CCL7: variants seen among roughly 807,000 people sequenced by gnomAD.
CCL7 encodes the protein C-C motif chemokine 7.
In CCL7, 8 loss-of-function variants were observed where a neutral mutation model predicts 7.1. That is an observed-to-expected ratio of 1.13 (90% CI 0.66 to 2.04). The LOEUF (loss-of-function observed/expected upper bound fraction) is 2.04, where lower values mean the gene tolerates loss of function less well. CCL7 is among the 30% of genes most tolerant of loss of function. CCL7 has a pLI of 0.00. For missense variants in CCL7, 134 were observed against 113.6 expected (o/e 1.18, Z -0.82); for synonymous variants, 46 against 41.2 (o/e 1.12, Z -0.45).
rs149253093 is a variant in CCL7, at chr17:34,271,250, C to G, written c.181C>G (p.Arg61Gly). ...YRRTTSSHCP[R>G]EAVIFKTKLD... is the part of the protein sequence containing the mutation. ...AAGGACCACCAGTAGCCACTGTCCC[C>G]GGGAAGCTGTAATGTATGTGGACGA... The change falls in exon 2 of 3, where the codon CGG becomes GGG. Residue 61 changes from arginine (R) to glycine (G), a missense_variant. Transcript: ENST00000378569. 6.2e-7 allele frequency: 1 copy of G among 1,613,810 alleles called. No individual in the cohort carries two copies. The highest frequency in any genetic ancestry group is 8.5e-7 in the Non-Finnish European group (1 of 1,179,820).
At chr17:34,271,631 C>G in intron 2 of CCL7, 66 bp from the exon 3 acceptor site, 1 of 1,017,738 alleles carries the variant, frequency 9.8e-7, no homozygotes, top group Non-Finnish European at 1.5e-6. Flanking sequence ...TTCCCATAGA[C>G]TTGGTCACAC....
At chr17:34,271,011 G>T in intron 1 of CCL7, 135 bp from the exon 2 acceptor site, 1 of 1,532,904 alleles carries the variant, frequency 6.5e-7, no homozygotes, top group Admixed American at 2.0e-5. Flanking sequence ...AGAGACATTG[G>T]GTTTGGGATG....
In CCL7 at chr17:34,271,219, CT is replaced by C; in HGVS notation, c.151del (p.Tyr51ThrfsTer14). The C allele has an allele frequency of 1.9e-6, 3 of 1,614,106 alleles. No homozygotes were observed. The East Asian group carries it at 6.7e-5, about 36-fold the overall frequency. Reference sequence around the variant, plus strand: ...AAATCCCTAAGCAGAGGCTGGAGAGCTACAGAAGGACCACCAGTAGCCACTG... The same window carrying C: ...AAATCCCTAAGCAGAGGCTGGAGAGCACAGAAGGACCACCAGTAGCCACTG... ...KKIPKQRLESYRRTTSSHCPR... is the reference protein window; with the variant it reads ...KKIPKQRLESXRRTTSSHCPR... On this transcript the variant is annotated frameshift_variant, in exon 2 of 3. Transcript: ENST00000378569. LOFTEE classifies it low-confidence loss of function (END_TRUNC).
chr17:34,271,588 T>A (rs1017848279), intron 2 of CCL7, 109 bp from the exon 3 acceptor site: 1 of 689,480 alleles, frequency 1.5e-6, no homozygotes, highest in African/African-American at 1.8e-5. Flanking sequence ...CCCTGAGGCA[T>A]CCCCATCAGC....
At chr17:34,271,034 C>T (rs1908122718) in intron 1 of CCL7, 112 bp from the exon 2 acceptor site, 2 of 1,565,080 alleles carry the variant, frequency 1.3e-6, no homozygotes, top group Non-Finnish European at 1.7e-6. Flanking sequence ...CAGCTTTTCC[C>T]TCCACCTCTT....
In CCL7 at chr17:34,271,716, A is replaced by G. The variant is rs757368308; in HGVS notation, c.214A>G (p.Lys72Glu). 4.3e-6 allele frequency: 7 copies of G among 1,610,696 alleles called. No individual in the cohort carries two copies. The East Asian group carries it at 1.6e-4, about 36-fold the overall frequency. ...EAVIFKTKLD[K>E]EICADPTQKW... The stretch of plus-strand genomic sequence containing the variant: ...CCACAGCTTCAAGACCAAACTGGAC[A>G]AGGAGATCTGTGCTGACCCCACACA... The change falls in exon 3 of 3, where the codon AAG becomes GAG. Residue 72 changes from lysine to glutamate, a missense_variant. Physicochemically the swap from Lys to Glu is moderately conservative, Grantham distance 56 (BLOSUM62 1). Coordinates refer to ENST00000378569, the MANE Select transcript of CCL7 (RefSeq NM_006273.4).
At chr17:34,271,459 A>C (rs954809718) in intron 2 of CCL7, among the ~76,000 whole-genome samples, 196 bp downstream of exon 2, 6 of 152,214 alleles carry the variant, frequency 3.9e-5, no homozygotes, top group Non-Finnish European at 8.8e-5. Context: ...CTCCCTTTCC[A>C]GCTATCATTT....
intron 1 of CCL7, among the ~76,000 whole-genome samples, chr17:34,270,687 T>C (rs1309581703): frequency 6.6e-6 from 1 of 152,058 alleles, no homozygotes; most frequent in Non-Finnish European, 1.5e-5. Context: ...CTTCTGGGGA[T>C]GGGTGTGCGG....
Position 34,271,213 on chromosome 17 carries a change from G to A in CCL7, c.144G>A (p.Leu48=). 1.2e-6 allele frequency: 2 copies of A among 1,614,144 alleles called. No homozygotes were observed. Among genetic ancestry groups the A allele is most frequent in the Non-Finnish European group, 1.7e-6 (2 of 1,180,018 alleles). Residue 48 remains leucine (L), a synonymous_variant, in exon 2 of 3, where the codon CTG becomes CTA. Transcript: ENST00000378569. ...FINKKIPKQR[L]ESYRRTTSSH... ...ATAAGAAAATCCCTAAGCAGAGGCT[G>A]GAGAGCTACAGAAGGACCACCAGTA... is the stretch of plus-strand genomic sequence containing the variant.
At position 34,272,048 on chromosome 17, in the gene CCL7, T is replaced by C; in HGVS notation, c.*246T>C. On this transcript the variant is annotated 3_prime_UTR_variant, in exon 3 of 3. Coordinates refer to ENST00000378569, the MANE Select transcript of CCL7 (RefSeq NM_006273.4). ...TTGGATGTATATGTCATCTCAGTGC[T>C]GTAAAAACTGTGGGATGCTCCTCCC... 5.3e-6 allele frequency: 2 copies of C among 377,968 alleles called. No homozygotes were observed. The highest frequency in any genetic ancestry group is 9.5e-6 in the Non-Finnish European group (2 of 210,740). 23.4% of individuals were successfully genotyped at this position (377,968 alleles called of 1,614,324 possible). A position where few individuals can be genotyped will look rare whatever the true frequency, so the allele number is the denominator to read the frequency against.
chr17:34,270,518 C>A, intron 1 of CCL7, 152 bp downstream of exon 1: 1 of 639,380 alleles, frequency 1.6e-6, no homozygotes, highest in Non-Finnish European at 2.7e-6. Context: ...GTGAGCCCAA[C>A]CACACAGCTG....
At position 34,271,168 on chromosome 17, in the gene CCL7, C is replaced by T. The variant is rs201623604; in HGVS notation, c.99C>T (p.Thr33=). Residue 33 remains threonine, a synonymous_variant, in exon 2 of 3, where the codon ACC becomes ACT. Transcript: ENST00000378569. ...CAGTTGGGATTAATACTTCAACTAC[C>T]TGCTGCTACAGATTTATCAATAAGA... ...AQPVGINTST[T]CCYRFINKKI... The T allele has an allele frequency of 6.2e-7, 1 of 1,614,122 alleles. No homozygotes were observed. Among genetic ancestry groups the T allele is most frequent in the South Asian group, 1.1e-5 (1 of 91,072 alleles).
rs200419698 is a variant in CCL7 at position 34,271,833 on chromosome 17, G to A, written c.*31G>A. 154 of 1,396,406 alleles carry A rather than the reference G, an allele frequency of 1.1e-4. No homozygotes were observed. The highest frequency in any genetic ancestry group is 1.5e-4 in the Non-Finnish European group (147 of 988,100). 86.5% of individuals were successfully genotyped at this position (1,396,406 alleles called of 1,614,324 possible). On this transcript the variant is annotated 3_prime_UTR_variant, in exon 3 of 3. Coordinates refer to ENST00000378569, the MANE Select transcript of CCL7 (RefSeq NM_006273.4). ...CATGACTGAACTGAAAACAAGCCAT[G>A]ACTTGAGAAACAAATAATTTGTATA...
rs1908137219 is a variant in CCL7, at chr17:34,271,186, C to G, written c.117C>G (p.Ile39Met). 6.2e-7 allele frequency: 1 copy of G among 1,613,988 alleles called. No homozygotes were observed. Among genetic ancestry groups the G allele is most frequent in the Non-Finnish European group, 8.5e-7 (1 of 1,180,014 alleles). Residue 39 changes from isoleucine to methionine, a missense_variant, in exon 2 of 3, where the codon ATC (isoleucine) becomes ATG (methionine). By Grantham distance (10) the Ile-to-Met change is conservative (BLOSUM62 1). Coordinates refer to ENST00000378569, the MANE Select transcript of CCL7 (RefSeq NM_006273.4). The part of the protein sequence containing the change: ...NTSTTCCYRF[I>M]NKKIPKQRLE... ...CAACTACCTGCTGCTACAGATTTAT[C>G]AATAAGAAAATCCCTAAGCAGAGGC...
chr17:34,271,991 C>T lies in CCL7; in HGVS notation c.*189C>T, dbSNP rs1037351683. ...TTATTAATATTTTAATTTAATCTTCCATGGATTTTGGTGGGTTTTGAACAT... is the reference window on the plus strand; with the variant it reads ...TTATTAATATTTTAATTTAATCTTCTATGGATTTTGGTGGGTTTTGAACAT... On this transcript the variant is annotated 3_prime_UTR_variant, in exon 3 of 3. Coordinates refer to ENST00000378569, the MANE Select transcript of CCL7 (RefSeq NM_006273.4). 4.0e-6 allele frequency: 2 copies of T among 498,430 alleles called. No individual in the cohort carries two copies. The highest frequency in any genetic ancestry group is 7.0e-6 in the Non-Finnish European group (2 of 286,598). The allele number at this position is 498,430 out of a possible 1,614,324, so 30.9% of individuals were successfully genotyped here. A position where few individuals can be genotyped will look rare whatever the true frequency, so the allele number is the denominator to read the frequency against.
chr17:34,270,904 G>A (rs921992141), intron 1 of CCL7, among the ~76,000 whole-genome samples: 1 of 152,156 alleles, frequency 6.6e-6, no homozygotes, highest in Non-Finnish European at 1.5e-5. Context: ...GCCCAGAGTA[G>A]CCATCAATTC....
rs1471276427 is a variant in CCL7, at chr17:34,270,581, C to T, written c.76+215C>T. Among the ~76,000 whole-genome samples the T allele has an allele frequency of 2.0e-5, 3 of 152,234 alleles. No individual in the cohort carries two copies. The East Asian group carries it at 5.8e-4, about 29-fold the overall frequency. On this transcript the variant is annotated intron_variant, in intron 1 of 2. Transcript: ENST00000378569. Reference sequence around the variant, plus strand: ...CCAGCTGTGAACCCCAAATCCAGCTCCTTCTAGGATTCCAGCTCTGGGAAC... The same window carrying T: ...CCAGCTGTGAACCCCAAATCCAGCTTCTTCTAGGATTCCAGCTCTGGGAAC...
chr17:34,271,250 C>A lies in CCL7; in HGVS notation c.181C>A (p.Arg61=), dbSNP rs149253093. The change falls in exon 2 of 3, where the codon CGG becomes AGG. Residue 61 remains arginine, a synonymous_variant. Coordinates refer to ENST00000378569, the MANE Select transcript of CCL7 (RefSeq NM_006273.4). ...YRRTTSSHCP[R]EAVIFKTKLD... Reference sequence around the variant, plus strand: ...AAGGACCACCAGTAGCCACTGTCCCCGGGAAGCTGTAATGTATGTGGACGA... The same window carrying A: ...AAGGACCACCAGTAGCCACTGTCCCAGGGAAGCTGTAATGTATGTGGACGA... The A allele has an allele frequency of 6.2e-7, 1 of 1,613,810 alleles. No homozygotes were observed. The highest frequency in any genetic ancestry group is 1.1e-5 in the South Asian group (1 of 91,036).
intron 1 of CCL7, 40 bp downstream of exon 1, chr17:34,270,406 C>A (rs1908084685): frequency 1.2e-5 from 19 of 1,535,324 alleles, no homozygotes; most frequent in African/African-American, 2.7e-5. Context: ...CACATTGCCC[C>A]CTCTCTGGGT....
Sources: allele counts gnomAD v4.1 joint callset (sites outside exome capture counted in the v4.1 genomes callset), GRCh38; gene constraint gnomAD v4.1.1; transcripts MANE v1.5; gene names NCBI Gene and HGNC (gene_info 2026-07-23, HGNC 2026-07-21).